Variants in SECISBP2L observed in about 807,000 individuals in gnomAD.
SECISBP2L encodes the protein selenocysteine insertion sequence-binding protein 2-like.
In SECISBP2L, 43 loss-of-function variants were observed where a neutral mutation model predicts 114.7. The observed-to-expected ratio is 0.38, with a 90% CI of 0.29 to 0.48. The LOEUF (loss-of-function observed/expected upper bound fraction) is 0.48, where lower values mean the gene tolerates loss of function less well. SECISBP2L is among the 20% of genes least tolerant of loss of function. SECISBP2L has a pLI of 0.98. For missense variants in SECISBP2L, 1,136 were observed against 1,301.1 expected (o/e 0.87, Z 1.95); for synonymous variants, 451 against 439.7 (o/e 1.03, Z -0.32).
chr15:49,009,762 T>C (rs1474041736), intron 13 of SECISBP2L, among the ~76,000 whole-genome samples: 1 of 151,644 alleles, frequency 6.6e-6, no homozygotes. Context: ...AGCCCAGAAG[T>C]CTCCACAGGG....
intron 1 of SECISBP2L, among the ~76,000 whole-genome samples, chr15:49,045,863 C>T (rs1031429600): frequency 2.6e-4 from 40 of 152,184 alleles, no homozygotes; most frequent in African/African-American, 9.2e-4. Flanking sequence ...CTGTAGTTAC[C>T]ACACATTCTC....
intron 12 of SECISBP2L, 91 bp from the exon 13 acceptor site, chr15:49,011,954 T>C: frequency 7.1e-7 from 1 of 1,411,198 alleles, no homozygotes; most frequent in Non-Finnish European, 9.8e-7. Flanking sequence ...GGTATGGTAG[T>C]TCACTTAAAC....
intron 7 of SECISBP2L, among the ~76,000 whole-genome samples, chr15:49,025,258 T>C (rs1017465148): frequency 2.0e-5 from 3 of 152,182 alleles, no homozygotes; most frequent in Admixed American, 6.6e-5. Flanking sequence ...GCCTAATTAA[T>C]GTTAAGGTAC....
At chr15:49,026,857 G>T (rs1249616290) in intron 7 of SECISBP2L, among the ~76,000 whole-genome samples, 1 of 152,178 alleles carries the variant, frequency 6.6e-6, no homozygotes, top group Non-Finnish European at 1.5e-5. Context: ...GGTAGTTCAT[G>T]GCAGTGCACA....
At chr15:49,013,994 A>C (rs1043088949) in intron 11 of SECISBP2L, among the ~76,000 whole-genome samples, 7 of 152,186 alleles carry the variant, frequency 4.6e-5, no homozygotes, top group African/African-American at 1.7e-4. Flanking sequence ...CTTCAAGCTA[A>C]GGTGCCATCA....
At chr15:48,993,022 T>C (rs1420519898) in intron 17 of SECISBP2L, 96 bp from the exon 18 acceptor site, 11 of 1,090,288 alleles carry the variant, frequency 1.0e-5, no homozygotes, top group Non-Finnish European at 1.5e-5. Flanking sequence ...CAACAAAATA[T>C]ATAAATTTGT....
chr15:49,037,767 A>C lies in SECISBP2L; in HGVS notation c.27T>G (p.Asn9Lys). The change falls in exon 2 of 18, where the codon AAT becomes AAG. Residue 9 changes from asparagine (N) to lysine (K), a missense_variant and splice_region_variant. Coordinates refer to ENST00000559471, the MANE Select transcript of SECISBP2L (RefSeq NM_001193489.2). ...GCTCCACCTCAGCTGACAGCTTGAC[A>C]TTCTTCAAAGAGAAAGTAGAATACA... MDRAPTEQNVKLSAEVEPF... is the reference protein window; with the variant it reads MDRAPTEQKVKLSAEVEPF... 6.3e-7 allele frequency: 1 copy of C among 1,595,304 alleles called. No homozygotes were observed. The highest frequency in any genetic ancestry group is 8.6e-7 in the Non-Finnish European group (1 of 1,168,436).
chr15:49,034,477 T>C (rs1902962926), intron 3 of SECISBP2L, among the ~76,000 whole-genome samples: 1 of 151,984 alleles, frequency 6.6e-6, no homozygotes, highest in Non-Finnish European at 1.5e-5. Flanking sequence ...TTCACATATT[T>C]ATCTTCCATT....
At chr15:49,037,139 T>C (rs2141085869) in intron 2 of SECISBP2L, among the ~76,000 whole-genome samples, 1 of 152,058 alleles carries the variant, frequency 6.6e-6, no homozygotes, top group South Asian at 2.1e-4. Context: ...CAGACATAAA[T>C]TTAAACTAAA....
rs886767255 is a variant in SECISBP2L, at chr15:49,046,441, G to T, written c.-142C>A. 2.2e-6 allele frequency: 2 copies of T among 911,566 alleles called. No individual in the cohort carries two copies. The highest frequency in any genetic ancestry group is 1.5e-6 in the Non-Finnish European group (1 of 651,300). 56.5% of individuals were successfully genotyped at this position (911,566 alleles called of 1,614,324 possible). ...CTGGCCGCGACACCGATTCGGCTAC[G>T]CCACTGGCCGAGGAGGCGGCTCCAG... On this transcript the variant is annotated 5_prime_UTR_variant, in exon 1 of 18. Transcript: ENST00000559471.
Position 49,019,489 on chromosome 15 carries a change from G to A in SECISBP2L, c.1099C>T (p.Pro367Ser). Residue 367 changes from proline (P) to serine (S), a missense_variant, in exon 8 of 18, where the codon CCA becomes TCA. Physicochemically the swap from Pro to Ser is moderately conservative, Grantham distance 74 (BLOSUM62 -1). This residue lies in a region of SECISBP2L where 452 missense variants were observed against 452.3 expected (regional missense o/e 1.00). Coordinates refer to ENST00000559471, the MANE Select transcript of SECISBP2L (RefSeq NM_001193489.2). ...SERRQNLQKR[P>S]DNKHLSSSQS... ...CTAGAGCTTAAATGCTTATTATCTG[G>A]TCTCTTTTGCAAATTCTGTCTTCTT... 6.6e-7 allele frequency: 1 copy of A among 1,511,284 alleles called. No homozygotes were observed. The highest frequency in any genetic ancestry group is 1.2e-5 in the South Asian group (1 of 80,052). 93.6% of individuals were successfully genotyped at this position (1,511,284 alleles called of 1,614,324 possible).
At chr15:49,016,537 A>G (rs760011247) in intron 11 of SECISBP2L, 23 bp downstream of exon 11, 2 of 1,568,316 alleles carry the variant, frequency 1.3e-6, no homozygotes, top group Non-Finnish European at 1.7e-6. Flanking sequence ...CAAACAGCAA[A>G]TTGCTCAGAC....
intron 14 of SECISBP2L, among the ~76,000 whole-genome samples, chr15:49,007,284 T>C (rs1359959232): frequency 2.6e-5 from 4 of 152,216 alleles, no homozygotes; most frequent in Non-Finnish European, 5.9e-5. Context: ...AGGGACCCAC[T>C]TGAAGAGGCA....
At position 48,999,822 on chromosome 15, in the gene SECISBP2L, TA is replaced by T; in HGVS notation, c.2403+10del. ...CTGGAGAGCAAGAGTGTGTGTCTTC[TA>T]AATTCTTACCTCAGCACCAAAGTAG... On this transcript the variant is annotated intron_variant, in intron 16 of 17. Coordinates refer to ENST00000559471, the MANE Select transcript of SECISBP2L (RefSeq NM_001193489.2). 3 of 1,612,926 alleles carry T rather than the reference TA, an allele frequency of 1.9e-6. No individual in the cohort carries two copies. The highest frequency in any genetic ancestry group is 2.5e-6 in the Non-Finnish European group (3 of 1,179,064).
At chr15:49,028,429 A>C in intron 5 of SECISBP2L, 24 bp downstream of exon 5, 1 of 1,603,436 alleles carries the variant, frequency 6.2e-7, no homozygotes, top group Non-Finnish European at 8.5e-7. Flanking sequence ...TGACCAATAA[A>C]GAAATCAAGA....
In SECISBP2L at chr15:48,988,663, G is replaced by T. The variant is rs1459488760; in HGVS notation, c.*3581C>A. The T allele has an allele frequency of 2.2e-6, 1 of 455,446 alleles. No homozygotes were observed. The highest frequency in any genetic ancestry group is 7.0e-5 in the East Asian group (1 of 14,360). 28.2% of individuals were successfully genotyped at this position (455,446 alleles called of 1,614,324 possible). A position where few individuals can be genotyped will look rare whatever the true frequency, so the allele number is the denominator to read the frequency against. ...TTTCATTTCAATAATCATTTTATTA[G>T]TACAGAAGAATCCCCACTAGTATTT... On this transcript the variant is annotated 3_prime_UTR_variant, in exon 18 of 18. Coordinates refer to ENST00000559471, the MANE Select transcript of SECISBP2L (RefSeq NM_001193489.2).
At chr15:49,007,718 T>G (rs181881036) in intron 14 of SECISBP2L, among the ~76,000 whole-genome samples, 3 of 152,332 alleles carry the variant, frequency 2.0e-5, no homozygotes, top group Non-Finnish European at 4.4e-5. Flanking sequence ...AGGAAATATA[T>G]ACAATTTCTA....
At position 48,994,108 on chromosome 15, in the gene SECISBP2L, T is replaced by C. The variant is rs370539099; in HGVS notation, c.2624-1182A>G. 2.6e-4 allele frequency among the ~76,000 whole-genome samples: 39 copies of C among 151,154 alleles called. 1 individual carries two copies. The highest frequency in any genetic ancestry group is 9.5e-4 in the African/African-American group (39 of 41,150). On this transcript the variant is annotated intron_variant, in intron 17 of 17. Coordinates refer to ENST00000559471, the MANE Select transcript of SECISBP2L (RefSeq NM_001193489.2). The stretch of plus-strand genomic sequence containing the variant: ...GTCCTTTCCACTGTCATTTCTACCT[T>C]ATGAAAAAAAAAAAATCACCTCCTC...
intron 7 of SECISBP2L, among the ~76,000 whole-genome samples, chr15:49,023,542 A>C (rs1902684171): frequency 6.6e-6 from 1 of 152,232 alleles, no homozygotes; most frequent in Non-Finnish European, 1.5e-5. Flanking sequence ...AGCAGTCCCT[A>C]ACTAGAAACT....
Sources: allele counts gnomAD v4.1 joint callset (sites outside exome capture counted in the v4.1 genomes callset), GRCh38; gene constraint gnomAD v4.1.1; regional missense constraint gnomAD v4.1.1; transcripts MANE v1.5; gene names NCBI Gene and HGNC (gene_info 2026-07-23, HGNC 2026-07-21).